Variants in STX8 observed in about 807,000 individuals in gnomAD.
STX8 encodes the protein syntaxin 8, also known as syntaxin-8.
In STX8, 23 loss-of-function variants were observed where a neutral mutation model predicts 37.5. The ratio of observed to expected loss-of-function variants is 0.61; its 90% CI spans 0.44 to 0.87. The LOEUF is 0.87. Among genes scored for constraint, STX8 ranks in the 40% least tolerant of loss-of-function variants. STX8 has a pLI of 0.00. For missense variants in STX8, 313 were observed against 284.7 expected (o/e 1.10, Z -0.71); for synonymous variants, 115 against 99.1 (o/e 1.16, Z -0.95).
At chr17:9,294,159 A>G (rs1908427280) in intron 7 of STX8, among the ~76,000 whole-genome samples, 1 of 152,138 alleles carries the variant, frequency 6.6e-6, no homozygotes, top group African/African-American at 2.4e-5. Context: ...TCTGATGTCT[A>G]TTGCAGTGCT....
At chr17:9,251,479 T>C (rs1003412148) in intron 7 of STX8, among the ~76,000 whole-genome samples, 12 of 152,138 alleles carry the variant, frequency 7.9e-5, no homozygotes, top group Non-Finnish European at 8.8e-5. Context: ...TACTACAAAG[T>C]AAGCACTCAA....
chr17:9,500,818 T>A (rs1904583087), intron 5 of STX8, among the ~76,000 whole-genome samples: 1 of 151,978 alleles, frequency 6.6e-6, no homozygotes, highest in South Asian at 2.1e-4. Flanking sequence ...CTGGCTAACA[T>A]GGTGAAACCC....
At chr17:9,450,112 T>C (rs1377418712) in intron 6 of STX8, among the ~76,000 whole-genome samples, 1 of 151,864 alleles carries the variant, frequency 6.6e-6, no homozygotes, top group Non-Finnish European at 1.5e-5. Context: ...GGAGTCTCGC[T>C]CTGTCATCCA....
chr17:9,288,295 T>C (rs1480485982), intron 7 of STX8, among the ~76,000 whole-genome samples: 1 of 151,044 alleles, frequency 6.6e-6, no homozygotes, highest in African/African-American at 2.4e-5. Context: ...ATATGTAATA[T>C]CTATGAAATT....
At chr17:9,345,027 T>G (rs987782860) in intron 7 of STX8, among the ~76,000 whole-genome samples, 3 of 152,146 alleles carry the variant, frequency 2.0e-5, no homozygotes, top group African/African-American at 7.2e-5. Context: ...ACAGGTGATA[T>G]GGCATCCTGG....
intron 7 of STX8, among the ~76,000 whole-genome samples, chr17:9,273,908 C>G (rs1907561344): frequency 6.6e-6 from 1 of 152,144 alleles, no homozygotes; most frequent in South Asian, 2.1e-4. Flanking sequence ...TCTCAGTGGT[C>G]CCTTCTGACA....
intron 1 of STX8, among the ~76,000 whole-genome samples, chr17:9,574,722 C>T (rs558819546): frequency 6.6e-5 from 10 of 152,130 alleles, no homozygotes; most frequent in Admixed American, 3.9e-4. Flanking sequence ...TTAGTAGAGA[C>T]GGGGTTTCTC....
At chr17:9,382,304 A>G (rs1043646071) in intron 6 of STX8, among the ~76,000 whole-genome samples, 1 of 152,238 alleles carries the variant, frequency 6.6e-6, no homozygotes, top group Admixed American at 6.5e-5. Flanking sequence ...AACAAAAGAT[A>G]GATGGGATGA....
intron 6 of STX8, among the ~76,000 whole-genome samples, chr17:9,404,010 C>A (rs1248343412): frequency 6.7e-6 from 1 of 148,186 alleles, no homozygotes; most frequent in Non-Finnish European, 1.5e-5. Flanking sequence ...GAAAGCCTTA[C>A]TGATAACATA....
At chr17:9,365,087 G>A (rs1911187116) in intron 7 of STX8, among the ~76,000 whole-genome samples, 2 of 151,438 alleles carry the variant, frequency 1.3e-5, no homozygotes, top group South Asian at 4.1e-4. Context: ...AAACAGGCCT[G>A]GCGTCTGCCT....
At chr17:9,299,430 A>G (rs1429467632) in intron 7 of STX8, among the ~76,000 whole-genome samples, 1 of 141,270 alleles carries the variant, frequency 7.1e-6, no homozygotes, top group African/African-American at 2.6e-5. Flanking sequence ...GTCCGTCTTC[A>G]TTCTTACGCT....
In STX8 at chr17:9,557,461, A is replaced by C; in HGVS notation, c.185T>G (p.Leu62Trp). ...KEKIALLKDL[L>W]LRAVSTHQIT... ...CTGATGTGTTGACACAGCTCTTAGC[A>C]ATAAGTCCTTCAAAAGGGCGATCTT... Residue 62 changes from leucine (L) to tryptophan (W), a missense_variant, in exon 3 of 8, where the codon TTG (leucine) becomes TGG (tryptophan). Physicochemically the swap from Leu to Trp is moderately conservative, Grantham distance 61. Coordinates refer to ENST00000306357, the MANE Select transcript of STX8 (RefSeq NM_004853.3). The C allele has an allele frequency of 6.2e-7, 1 of 1,614,082 alleles. No individual in the cohort carries two copies. The highest frequency in any genetic ancestry group is 1.1e-5 in the South Asian group (1 of 91,084).
intron 6 of STX8, among the ~76,000 whole-genome samples, chr17:9,463,460 T>C (rs1247730929): frequency 1.3e-5 from 2 of 152,274 alleles, no homozygotes; most frequent in East Asian, 3.9e-4. Context: ...CAAAATACTT[T>C]TATTTCACCC....
intron 7 of STX8, among the ~76,000 whole-genome samples, chr17:9,323,408 T>C (rs954619212): frequency 1.3e-5 from 2 of 152,192 alleles, no homozygotes; most frequent in Admixed American, 6.5e-5. Context: ...GATTTTTAAA[T>C]TAAAAACACG....
chr17:9,480,320 T>C (rs1396507935), intron 6 of STX8, among the ~76,000 whole-genome samples: 1 of 152,214 alleles, frequency 6.6e-6, no homozygotes, highest in Non-Finnish European at 1.5e-5. Context: ...GAAGGAAATA[T>C]ATTATTTTGG....
Position 9,406,604 on chromosome 17 carries a change from C to G in STX8, c.542-27951G>C, listed in dbSNP as rs1912811641. Among the ~76,000 whole-genome samples the G allele has an allele frequency of 2.0e-5, 3 of 152,162 alleles. No individual in the cohort carries two copies. In the South Asian group the frequency reaches 6.2e-4, roughly 31 times the overall value. On this transcript the variant is annotated intron_variant, in intron 6 of 7. Coordinates refer to ENST00000306357, the MANE Select transcript of STX8 (RefSeq NM_004853.3). ...ATACATGATCTGTGTTTGTGTGCAT[C>G]TGTTTTGATAAATTTTAACTTTGCA...
chr17:9,304,922 A>T (rs73976036), intron 7 of STX8, among the ~76,000 whole-genome samples: 35 of 135,976 alleles, frequency 2.6e-4, no homozygotes, highest in African/African-American at 1.1e-3. Context: ...GGCGAAAAAA[A>T]AAATATGTAT....
At chr17:9,418,040 G>A (rs1209342978) in intron 6 of STX8, among the ~76,000 whole-genome samples, 1 of 152,128 alleles carries the variant, frequency 6.6e-6, no homozygotes, top group Non-Finnish European at 1.5e-5. Flanking sequence ...GTAGAAGATT[G>A]TGGGAACCTC....
intron 6 of STX8, among the ~76,000 whole-genome samples, chr17:9,435,205 G>A (rs1222290379): frequency 6.6e-6 from 1 of 152,200 alleles, no homozygotes; most frequent in Non-Finnish European, 1.5e-5. Context: ...ATACTGAGCC[G>A]TGTTTTAGAC....
Sources: allele counts gnomAD v4.1 joint callset (sites outside exome capture counted in the v4.1 genomes callset), GRCh38; gene constraint gnomAD v4.1.1; transcripts MANE v1.5; gene names NCBI Gene and HGNC (gene_info 2026-07-23, HGNC 2026-07-21).